FLG2: variants seen among roughly 807,000 people sequenced by gnomAD.
The protein encoded by FLG2 is filaggrin 2.
A neutral mutation model predicts 3.9 loss-of-function variants in FLG2; 7 were observed. The ratio of observed to expected loss-of-function variants is 1.79; its 90% CI spans 1.02 to 3.36. The LOEUF (loss-of-function observed/expected upper bound fraction) is 3.36. Ranked by LOEUF, FLG2 falls within the 30% of genes most tolerant of loss-of-function variation. The pLI is 0.00. For synonymous variants in FLG2, 1,031 were observed against 1,056.1 expected (o/e 0.98, Z 0.46); for missense variants, 2,700 against 2,809.4 (o/e 0.96, Z 0.88).
At position 152,353,444 on chromosome 1, in the gene FLG2, C is replaced by G; in HGVS notation, c.4342G>C (p.Gly1448Arg). 1 of 1,600,252 alleles carries G rather than the reference C, an allele frequency of 6.2e-7. No homozygotes were observed. Among genetic ancestry groups the G allele is most frequent in the Non-Finnish European group, 8.5e-7 (1 of 1,175,740 alleles). The part of the protein sequence containing the change: ...HRPQSQEQTH[G>R]QAGSQHGESG... ...TCTCCATGTTGAGATCCGGCTTGGC[C>G]ATGAGTTTGTTCTTGTGATTGTGGT... is the stretch of plus-strand genomic sequence containing the variant. Residue 1448 changes from glycine to arginine, a missense_variant, in exon 3 of 3, where the codon GGC (glycine) becomes CGC (arginine). Gly to Arg is a moderately radical substitution (Grantham distance 125). Coordinates refer to ENST00000388718, the MANE Select transcript of FLG2 (RefSeq NM_001014342.3).
rs745678733 is a variant in FLG2 at position 152,352,267 on chromosome 1, A to G, written c.5519T>C (p.Val1840Ala). Residue 1840 changes from valine (V) to alanine (A), a missense_variant, in exon 3 of 3, where the codon GTT becomes GCT. By Grantham distance (64) the Val-to-Ala change is moderately conservative. Coordinates refer to ENST00000388718, the MANE Select transcript of FLG2 (RefSeq NM_001014342.3). ...GSQHGESESI[V>A]DERHGTTHGQ... ...ATGAGTAGTTCCATGTCTCTCGTCA[A>G]CTATGGATTCTGACTCTCCATGTTG... is the stretch of plus-strand genomic sequence containing the variant. The G allele has an allele frequency of 8.6e-5, 139 of 1,613,380 alleles. 2 individuals carry two copies. Among genetic ancestry groups the G allele is most frequent in the Non-Finnish European group, 1.0e-4 (122 of 1,179,902 alleles).
Position 152,355,841 on chromosome 1 carries a change from A to T in FLG2, c.1945T>A (p.Ser649Thr). 8 of 1,613,030 alleles carry T rather than the reference A, an allele frequency of 5.0e-6. No homozygotes were observed. The highest frequency in any genetic ancestry group is 6.8e-6 in the Non-Finnish European group (8 of 1,179,800). ...TSGFGQHGSG[S>T]SQSTGFGQYG... Reference sequence around the variant, plus strand: ...TGGCCAAAGCCAGTGGATTGACTTGAGCCTGACCCATGTTGTCCAAAGCCA... The same window carrying T: ...TGGCCAAAGCCAGTGGATTGACTTGTGCCTGACCCATGTTGTCCAAAGCCA... The change falls in exon 3 of 3, where the codon TCA (serine) becomes ACA (threonine). Residue 649 changes from serine (S) to threonine (T), a missense_variant. Coordinates refer to ENST00000388718, the MANE Select transcript of FLG2 (RefSeq NM_001014342.3).
Position 152,358,792 on chromosome 1 carries a change from A to G in FLG2, c.93T>C (p.Gly31=). 1 of 1,613,616 alleles carries G rather than the reference A, an allele frequency of 6.2e-7. No individual in the cohort carries two copies. The highest frequency in any genetic ancestry group is 8.5e-7 in the Non-Finnish European group (1 of 1,179,824). ...CTTTCTCCAGAAGTTCCTTTAGTTC[A>G]CCCTTGCTCAGTGTGCCACACTCCC... The part of the protein sequence containing the change: ...QDGECGTLSK[G]ELKELLEKEL... Residue 31 remains glycine (G), a synonymous_variant, in exon 2 of 3, where the codon GGT becomes GGC. Coordinates refer to ENST00000388718, the MANE Select transcript of FLG2 (RefSeq NM_001014342.3).
Position 152,355,639 on chromosome 1 carries a change from G to A in FLG2, c.2147C>T (p.Thr716Ile). ...YGQHGSSSGQ[T>I]SGFGQHELSS... Reference sequence around the variant, plus strand: ...TAACTCGTGTTGTCCAAATCCAGATGTCTGTCCTGAACTTGACCCATGTTG... The same window carrying A: ...TAACTCGTGTTGTCCAAATCCAGATATCTGTCCTGAACTTGACCCATGTTG... The change falls in exon 3 of 3, where the codon ACA becomes ATA. Residue 716 changes from threonine to isoleucine, a missense_variant. By Grantham distance (89) the Thr-to-Ile change is moderately conservative (BLOSUM62 -1). Coordinates refer to ENST00000388718, the MANE Select transcript of FLG2 (RefSeq NM_001014342.3). 2 of 1,613,168 alleles carry A rather than the reference G, an allele frequency of 1.2e-6. No homozygotes were observed. The highest frequency in any genetic ancestry group is 1.3e-5 in the African/African-American group (1 of 74,598).
In FLG2 at chr1:152,353,788, G is replaced by A. The variant is rs769789866; in HGVS notation, c.3998C>T (p.Thr1333Ile). The A allele has an allele frequency of 5.0e-6, 8 of 1,613,932 alleles. No individual in the cohort carries two copies. Among genetic ancestry groups the A allele is most frequent in the Non-Finnish European group, 6.8e-6 (8 of 1,180,000 alleles). Reference protein sequence around the residue: ...RHGHSGHGQSTQTGSRTSGRQ... With the variant: ...RHGHSGHGQSIQTGSRTSGRQ... Reference sequence around the variant, plus strand: ...TCCAGATGTTCTGGAACCTGTCTGTGTAGACTGTCCATGACCAGAATGGCC... The same window carrying A: ...TCCAGATGTTCTGGAACCTGTCTGTATAGACTGTCCATGACCAGAATGGCC... The change falls in exon 3 of 3, where the codon ACA (threonine) becomes ATA (isoleucine). Residue 1333 changes from threonine to isoleucine, a missense_variant. Thr to Ile is a moderately conservative substitution (Grantham distance 89, BLOSUM62 -1). Coordinates refer to ENST00000388718, the MANE Select transcript of FLG2 (RefSeq NM_001014342.3).
chr1:152,357,075 A>T lies in FLG2; in HGVS notation c.711T>A (p.His237Gln). 6.2e-7 allele frequency: 1 copy of T among 1,614,136 alleles called. No homozygotes were observed. Among genetic ancestry groups the T allele is most frequent in the Non-Finnish European group, 8.5e-7 (1 of 1,180,020 alleles). ...SGSNSWERKG[H>Q]GGLSCGLETS... is the part of the protein sequence containing the mutation. ...TCTCCAATCCACATGACAGACCACC[A>T]TGACCTTTCCTTTCCCAACTGTTTG... Residue 237 changes from histidine (H) to glutamine (Q), a missense_variant, in exon 3 of 3, where the codon CAT (histidine) becomes CAA (glutamine). By Grantham distance (24) the His-to-Gln change is conservative (BLOSUM62 0). Coordinates refer to ENST00000388718, the MANE Select transcript of FLG2 (RefSeq NM_001014342.3).
Position 152,359,057 on chromosome 1 carries a change from T to G in FLG2, c.-22-151A>C, listed in dbSNP as rs2275264. On this transcript the variant is annotated intron_variant, in intron 1 of 2. Coordinates refer to ENST00000388718, the MANE Select transcript of FLG2 (RefSeq NM_001014342.3). ...GGGCCAGGGATGATACAACCCCGTT[T>G]AACACAATGAAAATTAACTTTGTTA... is the stretch of plus-strand genomic sequence containing the variant. Among the ~76,000 whole-genome samples the G allele has an allele frequency of 0.36, 54,494 of 152,078 alleles. 13,931 individuals carry two copies. The highest frequency in any genetic ancestry group is 0.71 in the African/African-American group (29,225 of 41,442).
rs1235380673 is a variant in FLG2, at chr1:152,355,319, G to A, written c.2467C>T (p.His823Tyr). 6.2e-7 allele frequency: 1 copy of A among 1,613,856 alleles called. No homozygotes were observed. Among genetic ancestry groups the A allele is most frequent in the Non-Finnish European group, 8.5e-7 (1 of 1,179,888 alleles). ...GAGGATTGTCCTGAGCCAGACCCAT[G>A]TTGTCCAAAGCCAGCGGACTGACCT... ...GSGQSAGFGQHGSGSGQSSGF... is the reference protein window; with the variant it reads ...GSGQSAGFGQYGSGSGQSSGF... The change falls in exon 3 of 3, where the codon CAT (histidine) becomes TAT (tyrosine). Residue 823 changes from histidine to tyrosine, a missense_variant. Transcript: ENST00000388718.
rs770669408 is a variant in FLG2 at position 152,354,944 on chromosome 1, A to T, written c.2842T>A (p.Phe948Ile). The T allele has an allele frequency of 1.2e-6, 2 of 1,612,318 alleles. No individual in the cohort carries two copies. Among genetic ancestry groups the T allele is most frequent in the Non-Finnish European group, 1.7e-6 (2 of 1,179,488 alleles). Reference protein sequence around the residue: ...HGSSSGQTFGFGQHRSGSGQS... With the variant: ...HGSSSGQTFGIGQHRSGSGQS... The stretch of plus-strand genomic sequence containing the variant: ...CCTGAGCCTGACCTGTGTTGTCCAA[A>T]TCCAAAAGTCTGTCCTGAACTTGAC... The change falls in exon 3 of 3, where the codon TTT (phenylalanine) becomes ATT (isoleucine). Residue 948 changes from phenylalanine (F) to isoleucine (I), a missense_variant. Transcript: ENST00000388718.
intron 2 of FLG2, 42 bp from the exon 3 acceptor site, chr1:152,357,689 A>G: frequency 7.1e-7 from 1 of 1,401,348 alleles, no homozygotes; most frequent in Non-Finnish European, 9.9e-7. Context: ...GGTCAGCCTA[A>G]CCTGCATACT....
Position 152,356,414 on chromosome 1 carries a change from A to G in FLG2, c.1372T>C (p.Ser458Pro). The G allele has an allele frequency of 6.2e-7, 1 of 1,614,042 alleles. No homozygotes were observed. The highest frequency in any genetic ancestry group is 8.5e-7 in the Non-Finnish European group (1 of 1,180,016). The change falls in exon 3 of 3, where the codon TCT (serine) becomes CCT (proline). Residue 458 changes from serine to proline, a missense_variant. By Grantham distance (74) the Ser-to-Pro change is moderately conservative (BLOSUM62 -1). Transcript: ENST00000388718. ...GSGQTCGQHE[S>P]TSSQSLGYDQ... ...TAGCCCAAGGATTGACTTGATGTAG[A>G]CTCATGCTGGCCACAAGTTTGACCT...
chr1:152,352,109 A>T lies in FLG2; in HGVS notation c.5677T>A (p.Ser1893Thr). ...TGTGTGTGTCCTGAATGTGTATGTGAGCCCCCTGAGTGCACTTCACTGTCA... is the reference window on the plus strand; with the variant it reads ...TGTGTGTGTCCTGAATGTGTATGTGTGCCCCCTGAGTGCACTTCACTGTCA... ...SSDSEVHSGG[S>T]HTHSGHTHSQ... Residue 1893 changes from serine (S) to threonine (T), a missense_variant, in exon 3 of 3, where the codon TCA becomes ACA. Transcript: ENST00000388718. 1 of 1,612,138 alleles carries T rather than the reference A, an allele frequency of 6.2e-7. No individual in the cohort carries two copies. The highest frequency in any genetic ancestry group is 8.5e-7 in the Non-Finnish European group (1 of 1,179,638).
Position 152,357,077 on chromosome 1 carries a change from G to C in FLG2, c.709C>G (p.His237Asp). The change falls in exon 3 of 3, where the codon CAT becomes GAT. Residue 237 changes from histidine to aspartate, a missense_variant. By Grantham distance (81) the His-to-Asp change is moderately conservative (BLOSUM62 -1). Coordinates refer to ENST00000388718, the MANE Select transcript of FLG2 (RefSeq NM_001014342.3). ...TCCAATCCACATGACAGACCACCAT[G>C]ACCTTTCCTTTCCCAACTGTTTGAT... ...SGSNSWERKGHGGLSCGLETS... is the reference protein window; with the variant it reads ...SGSNSWERKGDGGLSCGLETS... 1 of 1,614,148 alleles carries C rather than the reference G, an allele frequency of 6.2e-7. No homozygotes were observed. The highest frequency in any genetic ancestry group is 8.5e-7 in the Non-Finnish European group (1 of 1,180,022).
In FLG2 at chr1:152,350,486, G is replaced by A. The variant is rs1049110345; in HGVS notation, c.*124C>T. ...TCCTGACTTCTTATAATAATAGGTC[G>A]AGACTGATACTGAGAATCAACTGAA... On this transcript the variant is annotated 3_prime_UTR_variant, in exon 3 of 3. Transcript: ENST00000388718. The A allele has an allele frequency of 2.6e-5, 32 of 1,243,914 alleles. No homozygotes were observed. Among genetic ancestry groups the A allele is most frequent in the Non-Finnish European group, 3.3e-5 (30 of 912,196 alleles). 77.1% of individuals were successfully genotyped at this position (1,243,914 alleles called of 1,614,324 possible).
Position 152,357,172 on chromosome 1 carries a change from C to T in FLG2, c.614G>A (p.Arg205Lys), listed in dbSNP as rs1478869263. ...AATGTGTGACTTGTTTATTCTTTCT[C>T]TCAGTTCTACAGAGCTGGAACCATG... ...DRHGSSSVELRERINKSHISP... is the reference protein window; with the variant it reads ...DRHGSSSVELKERINKSHISP... Residue 205 changes from arginine to lysine, a missense_variant, in exon 3 of 3, where the codon AGA becomes AAA. Physicochemically the swap from Arg to Lys is conservative, Grantham distance 26 (BLOSUM62 2). Transcript: ENST00000388718. 1.3e-5 allele frequency: 21 copies of T among 1,614,070 alleles called. No homozygotes were observed. The highest frequency in any genetic ancestry group is 1.8e-5 in the Non-Finnish European group (21 of 1,180,046).
In FLG2 at chr1:152,357,080, C is replaced by A. The variant is rs376782680; in HGVS notation, c.706G>T (p.Gly236Cys). Residue 236 changes from glycine (G) to cysteine (C), a missense_variant, in exon 3 of 3, where the codon GGT becomes TGT. By Grantham distance (159) the Gly-to-Cys change is radical. Coordinates refer to ENST00000388718, the MANE Select transcript of FLG2 (RefSeq NM_001014342.3). The stretch of plus-strand genomic sequence containing the variant: ...AATCCACATGACAGACCACCATGAC[C>A]TTTCCTTTCCCAACTGTTTGATCCA... ...GSGSNSWERK[G>C]HGGLSCGLET... The A allele has an allele frequency of 1.2e-6, 2 of 1,614,210 alleles. No individual in the cohort carries two copies. The highest frequency in any genetic ancestry group is 1.7e-6 in the Non-Finnish European group (2 of 1,180,036).
Position 152,356,911 on chromosome 1 carries a change from T to G in FLG2, c.875A>C (p.Gln292Pro). The G allele has an allele frequency of 6.2e-7, 1 of 1,614,226 alleles. No homozygotes were observed. The highest frequency in any genetic ancestry group is 8.5e-7 in the Non-Finnish European group (1 of 1,180,042). ...YSNSSGCGRP[Q>P]NASSSCQSHR... ...TGACTGACAAGAACTTGAAGCATTT[T>G]GTGGCCTTCCACACCCACTTGAATT... is the stretch of plus-strand genomic sequence containing the variant. The change falls in exon 3 of 3, where the codon CAA (glutamine) becomes CCA (proline). Residue 292 changes from glutamine to proline, a missense_variant. By Grantham distance (76) the Gln-to-Pro change is moderately conservative (BLOSUM62 -1). Coordinates refer to ENST00000388718, the MANE Select transcript of FLG2 (RefSeq NM_001014342.3).
chr1:152,352,249 G>T lies in FLG2; in HGVS notation c.5537C>A (p.Thr1846Asn). 2 of 1,613,970 alleles carry T rather than the reference G, an allele frequency of 1.2e-6. No individual in the cohort carries two copies. The highest frequency in any genetic ancestry group is 1.1e-5 in the South Asian group (1 of 91,062). The change falls in exon 3 of 3, where the codon ACT (threonine) becomes AAT (asparagine). Residue 1846 changes from threonine to asparagine, a missense_variant. Transcript: ENST00000388718. ...SESIVDERHGTTHGQTGDTSG... is the reference protein window; with the variant it reads ...SESIVDERHGNTHGQTGDTSG... ...GGTATCTCCTGTCTGTCCATGAGTA[G>T]TTCCATGTCTCTCGTCAACTATGGA... is the stretch of plus-strand genomic sequence containing the variant.
chr1:152,354,667 T>C lies in FLG2; in HGVS notation c.3119A>G (p.Gln1040Arg). The C allele has an allele frequency of 6.2e-7, 1 of 1,614,124 alleles. No individual in the cohort carries two copies. The highest frequency in any genetic ancestry group is 8.5e-7 in the Non-Finnish European group (1 of 1,180,018). The change falls in exon 3 of 3, where the codon CAA becomes CGA. Residue 1040 changes from glutamine (Q) to arginine (R), a missense_variant. Gln to Arg is a conservative substitution (Grantham distance 43). Coordinates refer to ENST00000388718, the MANE Select transcript of FLG2 (RefSeq NM_001014342.3). ...SSSGQYSGFG[Q>R]HGSGSDQSSG... The stretch of plus-strand genomic sequence containing the variant: ...GGACTGATCTGAGCCTGATCCATGT[T>C]GTCCAAAGCCTGAGTATTGGCCTGA...
Sources: gnomAD v4.1 joint callset for allele counts (sites outside exome capture counted in the v4.1 genomes callset) on GRCh38, gnomAD v4.1.1 for gene constraint, MANE v1.5 for transcripts, NCBI Gene and HGNC (gene_info 2026-07-23, HGNC 2026-07-21) for gene names.